Variants in CADM2 observed in about 807,000 individuals in gnomAD.
CADM2 encodes the protein immunoglobulin superfamily member 4D.
Under a neutral mutation model 49.8 loss-of-function variants are expected in CADM2, and 12 were observed. That is an observed-to-expected ratio of 0.24 (90% CI 0.15 to 0.39). CADM2 has a LOEUF of 0.39. CADM2 is among the 10% of genes least tolerant of loss of function. CADM2 has a pLI of 1.00. For missense variants in CADM2, 378 were observed against 492.3 expected, an observed-to-expected ratio of 0.77 and a Z score of 2.20; for synonymous variants, 214 against 175.4, an observed-to-expected ratio of 1.22 and a Z score of -1.74.
rs553953259 is a variant in CADM2 at position 85,652,619 on chromosome 3, A to G, written c.62-73903A>G. ...ACATAGTTCTTAACATGGTCATGGAATAGCAAAGAGATTAGAGTCTGGAAC... is the reference window on the plus strand; with the variant it reads ...ACATAGTTCTTAACATGGTCATGGAGTAGCAAAGAGATTAGAGTCTGGAAC... On this transcript the variant is annotated intron_variant, in intron 1 of 9. Transcript: ENST00000383699. Among the ~76,000 whole-genome samples the G allele has an allele frequency of 4.4e-4, 67 of 152,228 alleles. 3 individuals are homozygous for G. In the South Asian group the frequency reaches 0.013, roughly 29 times the overall value.
intron 2 of CADM2, among the ~76,000 whole-genome samples, chr3:85,735,693 C>A (rs2068105468): frequency 6.6e-6 from 1 of 152,020 alleles, no homozygotes; most frequent in African/African-American, 2.4e-5. Context: ...GTAGAATTTG[C>A]TGGCTGGAAG....
At chr3:85,059,220 C>G (rs111573161) in intron 1 of CADM2, among the ~76,000 whole-genome samples, 15 of 150,904 alleles carry the variant, frequency 9.9e-5, no homozygotes, top group African/African-American at 3.4e-4. Flanking sequence ...GCCTGAGTGA[C>G]AGAGAGAGAC....
intron 1 of CADM2, among the ~76,000 whole-genome samples, chr3:85,605,280 G>A (rs2063513770): frequency 6.6e-6 from 1 of 152,020 alleles, no homozygotes. Context: ...GCAAATTCCT[G>A]TGGTCTTTCC....
chr3:85,788,293 A>G (rs2071119031), intron 2 of CADM2, among the ~76,000 whole-genome samples: 2 of 152,178 alleles, frequency 1.3e-5, no homozygotes, highest in East Asian at 1.9e-4. Context: ...TCAATAATAT[A>G]AACTGAAATT....
intron 1 of CADM2, among the ~76,000 whole-genome samples, chr3:85,147,195 A>G (rs1371377331): frequency 6.7e-6 from 1 of 149,036 alleles, no homozygotes; most frequent in Non-Finnish European, 1.5e-5. Flanking sequence ...GAAAGGCGAG[A>G]ACCCGGGAGG....
At chr3:85,923,958 A>C (rs4364177) in intron 6 of CADM2, among the ~76,000 whole-genome samples, 106,727 of 152,110 alleles carry the variant, frequency 0.7, 39,026 homozygotes, top group African/African-American at 0.92. Context: ...TATCCATTTT[A>C]TTCTTATGTT....
chr3:85,932,810 G>T (rs1372952106), intron 6 of CADM2, among the ~76,000 whole-genome samples: 1 of 152,130 alleles, frequency 6.6e-6, no homozygotes, highest in Non-Finnish European at 1.5e-5. Context: ...GAATAATTTT[G>T]AAGTCAAATA....
chr3:85,716,219 C>G (rs1192501311), intron 1 of CADM2, among the ~76,000 whole-genome samples: 1 of 152,146 alleles, frequency 6.6e-6, no homozygotes, highest in Non-Finnish European at 1.5e-5. Flanking sequence ...GAGATGGTAT[C>G]TTATTGTGGT....
At chr3:85,139,787 A>C (rs535594750) in intron 1 of CADM2, among the ~76,000 whole-genome samples, 2 of 152,268 alleles carry the variant, frequency 1.3e-5, no homozygotes, top group South Asian at 4.1e-4. Context: ...TAAATAACAC[A>C]ATTTGGGGGC....
At chr3:85,068,581 T>C (rs2036605013) in intron 1 of CADM2, among the ~76,000 whole-genome samples, 1 of 152,150 alleles carries the variant, frequency 6.6e-6, no homozygotes, top group African/African-American at 2.4e-5. Flanking sequence ...CAATAAGTTC[T>C]CCAGCACGTT....
At chr3:85,853,986 G>A (rs1159060455) in intron 3 of CADM2, among the ~76,000 whole-genome samples, 1 of 152,094 alleles carries the variant, frequency 6.6e-6, no homozygotes, top group African/African-American at 2.4e-5. Context: ...ATGAGCCAGC[G>A]CATATTAAAA....
At chr3:86,025,200 C>T (rs922222852) in intron 8 of CADM2, among the ~76,000 whole-genome samples, 7 of 152,050 alleles carry the variant, frequency 4.6e-5, no homozygotes, top group Admixed American at 2.6e-4. Context: ...GGACTACAGG[C>T]GCCCGCCACC....
intron 1 of CADM2, among the ~76,000 whole-genome samples, chr3:85,064,896 T>A (rs187552228): frequency 8.5e-5 from 13 of 152,294 alleles, no homozygotes; most frequent in African/African-American, 3.1e-4. Flanking sequence ...TCTTCACCAG[T>A]GTGCCTCATG....
chr3:85,839,472 AT>A (rs2074546452), intron 3 of CADM2, among the ~76,000 whole-genome samples: 1 of 146,392 alleles, frequency 6.8e-6, no homozygotes, highest in Non-Finnish European at 1.5e-5. Flanking sequence ...TATGGTTATT[AT>A]TCTTTGCCAT....
intron 1 of CADM2, among the ~76,000 whole-genome samples, chr3:85,172,747 G>T (rs1030886568): frequency 1.3e-4 from 19 of 151,438 alleles, no homozygotes; most frequent in African/African-American, 4.4e-4. Flanking sequence ...GCTGTTGGAA[G>T]ATGCTGTAAG....
chr3:85,629,940 A>G (rs1403853355), intron 1 of CADM2, among the ~76,000 whole-genome samples: 2 of 152,020 alleles, frequency 1.3e-5, no homozygotes, highest in East Asian at 3.9e-4. Flanking sequence ...TAAATGAGTT[A>G]ATTCATGTCA....
intron 1 of CADM2, among the ~76,000 whole-genome samples, chr3:85,335,495 G>T (rs2045055859): frequency 6.6e-6 from 1 of 151,174 alleles, no homozygotes; most frequent in South Asian, 2.1e-4. Context: ...CAATACACAT[G>T]TACAATGTGT....
chr3:85,279,265 C>T (rs1409647412), intron 1 of CADM2, among the ~76,000 whole-genome samples: 1 of 151,430 alleles, frequency 6.6e-6, no homozygotes, highest in African/African-American at 2.4e-5. Context: ...GTTAACCTTT[C>T]CACAGAACAG....
chr3:85,534,678 A>T (rs2061388452), intron 1 of CADM2, among the ~76,000 whole-genome samples: 1 of 152,204 alleles, frequency 6.6e-6, no homozygotes, highest in Non-Finnish European at 1.5e-5. Context: ...CCCCATATCT[A>T]GGCTATTGTC....
Sources: allele counts gnomAD v4.1 joint callset (sites outside exome capture counted in the v4.1 genomes callset), GRCh38; gene constraint gnomAD v4.1.1; transcripts MANE v1.5; gene names NCBI Gene and HGNC (gene_info 2026-07-23, HGNC 2026-07-21).